Variants in ADGRV1 observed in about 807,000 individuals in gnomAD.
The protein encoded by ADGRV1 is adhesion G protein-coupled receptor V1, also known as G-protein coupled receptor 98.
Under a neutral mutation model 596.2 loss-of-function variants are expected in ADGRV1, and 359 were observed. The observed-to-expected ratio is 0.60, with a 90% CI of 0.55 to 0.66. The LOEUF (loss-of-function observed/expected upper bound fraction) is 0.66. Among genes scored for constraint, ADGRV1 ranks in the 30% least tolerant of loss-of-function variants. The pLI, the probability that ADGRV1 is intolerant of heterozygous loss-of-function variation, is 0.00. For missense variants in ADGRV1, 7,274 were observed against 7,575.6 expected (o/e 0.96, Z 1.48); for synonymous variants, 2,681 against 2,679.2 (o/e 1.00, Z -0.02).
chr5:90,587,555 CTTT>C (rs35819836), intron 1 of ADGRV1, among the ~76,000 whole-genome samples: 4,275 of 138,438 alleles, frequency 0.031, 194 homozygotes, highest in African/African-American at 0.1. Flanking sequence ...TTTTCTGTGT[CTTT>C]TTTTTTTTTT....
At chr5:90,597,897 T>C (rs144732425) in intron 1 of ADGRV1, among the ~76,000 whole-genome samples, 3 of 152,108 alleles carry the variant, frequency 2.0e-5, no homozygotes, top group Non-Finnish European at 2.9e-5. Context: ...ATGGATAATT[T>C]TGAGGGAAGG....
intron 83 of ADGRV1, among the ~76,000 whole-genome samples, chr5:90,916,854 G>C (rs370360727): frequency 1.3e-5 from 2 of 151,602 alleles, no homozygotes; most frequent in South Asian, 2.1e-4. Context: ...GGATGGTCTC[G>C]ATCTCCTGAC....
At chr5:90,568,008 G>C (rs1025822972) in intron 1 of ADGRV1, among the ~76,000 whole-genome samples, 3 of 152,104 alleles carry the variant, frequency 2.0e-5, no homozygotes, top group African/African-American at 7.2e-5. Context: ...AAAGTATTGG[G>C]ATTACAGGCA....
chr5:90,869,290 G>C (rs1768436220), intron 83 of ADGRV1, among the ~76,000 whole-genome samples: 1 of 152,156 alleles, frequency 6.6e-6, no homozygotes, highest in Non-Finnish European at 1.5e-5. Flanking sequence ...AAGTTATAGT[G>C]ATCCTGGCTG....
At chr5:90,671,629 T>C (rs1772479835) in intron 21 of ADGRV1, among the ~76,000 whole-genome samples, 1 of 152,240 alleles carries the variant, frequency 6.6e-6, no homozygotes, top group Admixed American at 6.5e-5. Flanking sequence ...AATGGCTCTA[T>C]CTTATCCTGA....
chr5:90,758,453 C>CT (rs1756085701), intron 57 of ADGRV1, among the ~76,000 whole-genome samples: 2 of 152,308 alleles, frequency 1.3e-5, no homozygotes, highest in Admixed American at 1.3e-4. Flanking sequence ...ATTATCAGCA[C>CT]TTTATCTGTG....
At chr5:91,104,510 A>G (rs921342872) in intron 87 of ADGRV1, among the ~76,000 whole-genome samples, 5 of 152,206 alleles carry the variant, frequency 3.3e-5, no homozygotes, top group Admixed American at 6.5e-5. Context: ...CTGTAGTGCT[A>G]TAGAACACAA....
chr5:90,638,911 A>G (rs999540364), intron 11 of ADGRV1, among the ~76,000 whole-genome samples: 8 of 152,150 alleles, frequency 5.3e-5, no homozygotes, highest in Non-Finnish European at 1.5e-5. Flanking sequence ...TATGTGAAAG[A>G]AAAGTATAGA....
At chr5:90,906,811 A>G (rs1772366716) in intron 83 of ADGRV1, among the ~76,000 whole-genome samples, 1 of 151,970 alleles carries the variant, frequency 6.6e-6, no homozygotes, top group African/African-American at 2.4e-5. Context: ...TTTAAGGTGC[A>G]TCATTAGGTT....
At chr5:90,940,605 T>C (rs72784617) in intron 83 of ADGRV1, among the ~76,000 whole-genome samples, 1 of 152,150 alleles carries the variant, frequency 6.6e-6, no homozygotes, top group Non-Finnish European at 1.5e-5. Flanking sequence ...AGTGATATAC[T>C]GTGATGTTTT....
intron 1 of ADGRV1, among the ~76,000 whole-genome samples, chr5:90,604,658 A>AT (rs200202435): frequency 5.3e-5 from 8 of 149,748 alleles, no homozygotes; most frequent in Middle Eastern, 3.4e-3. Context: ...GTTGCTGTTG[A>AT]TTTTTTTTTT....
At chr5:90,756,705 G>T in intron 56 of ADGRV1, 75 bp downstream of exon 56, 1 of 1,211,074 alleles carries the variant, frequency 8.3e-7, no homozygotes, top group Non-Finnish European at 1.2e-6. Flanking sequence ...TTTATGTTTA[G>T]CTTTGCCTGT....
chr5:90,653,767 T>C lies in ADGRV1; in HGVS notation c.4193T>C (p.Leu1398Pro), dbSNP rs1401780231. 1.9e-6 allele frequency: 3 copies of C among 1,613,304 alleles called. No homozygotes were observed. The highest frequency in any genetic ancestry group is 2.5e-6 in the Non-Finnish European group (3 of 1,179,606). The change falls in exon 20 of 90, where the codon CTT (leucine) becomes CCT (proline). Residue 1398 changes from leucine (L) to proline (P), a missense_variant. Around this residue, in one of 5 missense-constraint regions of ADGRV1, gnomAD observed 1,715 missense variants for 1,708.8 expected, o/e 1.00. Coordinates refer to ENST00000405460, the MANE Select transcript of ADGRV1 (RefSeq NM_032119.4). ...AACGAATCCCATGTGACACTTTCCC[T>C]TCATTATAAAACCTTGGGTTCCAAT... ...QTNESHVTLS[L>P]HYKTLGSNAT...
intron 85 of ADGRV1, among the ~76,000 whole-genome samples, chr5:90,994,242 T>C (rs1412597979): frequency 6.6e-6 from 1 of 152,022 alleles, no homozygotes; most frequent in African/African-American, 2.4e-5. Flanking sequence ...TTTATATTTT[T>C]AGTAGAGATG....
At chr5:90,704,263 C>A in intron 35 of ADGRV1, 126 bp from the exon 36 acceptor site, 1 of 651,462 alleles carries the variant, frequency 1.5e-6, no homozygotes, top group Non-Finnish European at 2.7e-6. Flanking sequence ...TATTTTTAAG[C>A]CACAGAACTT....
chr5:90,629,644 C>T lies in ADGRV1; in HGVS notation c.1839+105C>T, dbSNP rs552317453. On this transcript the variant is annotated intron_variant, in intron 9 of 89. Transcript: ENST00000405460. ...TATTTTGACCTTGTTATTTTGCCGT[C>T]ATTTATATGTTGTTACTAAAAGTTG... 4.4e-5 allele frequency: 37 copies of T among 847,262 alleles called. 1 individual carries two copies. In the South Asian group the frequency reaches 6.9e-4, roughly 16 times the overall value. The allele number at this position is 847,262 out of a possible 1,614,324, so 52.5% of individuals were successfully genotyped here.
chr5:91,107,186 A>G (rs1791953429), intron 87 of ADGRV1, among the ~76,000 whole-genome samples: 1 of 148,768 alleles, frequency 6.7e-6, no homozygotes, highest in African/African-American at 2.5e-5. Context: ...TGGGAACTAC[A>G]GTTTGAGAAA....
At chr5:90,751,744 A>G (rs539732310) in intron 53 of ADGRV1, among the ~76,000 whole-genome samples, 2 of 152,340 alleles carry the variant, frequency 1.3e-5, no homozygotes, top group South Asian at 2.1e-4. Context: ...AAGGACAGGT[A>G]TATATCATGG....
In ADGRV1 at chr5:90,840,695, T is replaced by G; in HGVS notation, c.16729T>G (p.Leu5577Val). ...TGAACCTGGCCAGAGAAGCACTGTA[T>G]TGGATGTCATCCTAACGCCAGAGAC... ...VFEPGQRSTV[L>V]DVILTPETGS... The change falls in exon 78 of 90, where the codon TTG becomes GTG. Residue 5577 changes from leucine (L) to valine (V), a missense_variant. Leu to Val is a conservative substitution (Grantham distance 32). Around this residue, in one of 5 missense-constraint regions of ADGRV1, gnomAD observed 1,874 missense variants for 1,970.2 expected, o/e 0.95. Coordinates refer to ENST00000405460, the MANE Select transcript of ADGRV1 (RefSeq NM_032119.4). The G allele has an allele frequency of 1.2e-6, 2 of 1,614,048 alleles. No individual in the cohort carries two copies. Among genetic ancestry groups the G allele is most frequent in the Non-Finnish European group, 8.5e-7 (1 of 1,179,890 alleles).
Sources: gnomAD v4.1 joint callset for allele counts (sites outside exome capture counted in the v4.1 genomes callset) on GRCh38, gnomAD v4.1.1 for gene constraint, gnomAD v4.1.1 regional missense constraint, MANE v1.5 for transcripts, NCBI Gene and HGNC (gene_info 2026-07-23, HGNC 2026-07-21) for gene names.